Variants in SLC14A2 observed in about 807,000 individuals in gnomAD.
The protein encoded by SLC14A2 is solute carrier family 14 member 2.
SLC14A2 carries 91 observed loss-of-function variants against 104.6 expected under a neutral mutation model. The ratio of observed to expected loss-of-function variants is 0.87; its 90% CI spans 0.73 to 1.04. SLC14A2 has a LOEUF of 1.04. Among genes scored for constraint, SLC14A2 ranks in the 50% least tolerant of loss-of-function variants. SLC14A2 has a pLI of 0.00. For missense variants in SLC14A2, 1,189 were observed against 1,156.0 expected, an observed-to-expected ratio of 1.03 and a Z score of -0.41; for synonymous variants, 476 against 466.4, an observed-to-expected ratio of 1.02 and a Z score of -0.27.
At chr18:45,316,224 T>C (rs557327237) in intron 1 of SLC14A2, among the ~76,000 whole-genome samples, 1 of 152,322 alleles carries the variant, frequency 6.6e-6, no homozygotes, top group East Asian at 1.9e-4. Flanking sequence ...AGCAGGCTAA[T>C]GTGGGCTCTG....
rs143435857 is a variant in SLC14A2, at chr18:45,372,733, T to G, written c.-124-110500T>G. Reference sequence around the variant, plus strand: ...GACTGCACCTAAGGTAGCCAGGATCTAAACCATCACTATCTAATAGGAATA... The same window carrying G: ...GACTGCACCTAAGGTAGCCAGGATCGAAACCATCACTATCTAATAGGAATA... On this transcript the variant is annotated intron_variant, in intron 1 of 20. Coordinates refer to the SLC14A2 transcript ENST00000586448. Among the ~76,000 whole-genome samples the G allele has an allele frequency of 5.5e-3, 840 of 152,312 alleles. 7 individuals are homozygous for G. The highest frequency in any genetic ancestry group is 0.019 in the African/African-American group (794 of 41,558).
At chr18:45,477,576 C>A (rs1302080167) in intron 1 of SLC14A2, among the ~76,000 whole-genome samples, 1 of 152,168 alleles carries the variant, frequency 6.6e-6, no homozygotes, top group Admixed American at 6.5e-5. Flanking sequence ...ACTGAAGCTG[C>A]ACCCACAGCC....
chr18:45,623,719 G>T (rs2045213971), intron 1 of SLC14A2, among the ~76,000 whole-genome samples: 1 of 152,164 alleles, frequency 6.6e-6, no homozygotes, highest in Non-Finnish European at 1.5e-5. Context: ...CCATGTTAGG[G>T]ATCTGTGATC....
rs2084233047 is a variant in SLC14A2, at chr18:45,236,017, GTGTATATATACATATATGTGTGTA to G, written c.-125+22828_-125+22851del. 1.0e-4 allele frequency among the ~76,000 whole-genome samples: 5 copies of G among 48,410 alleles called. 1 individual carries two copies. Among genetic ancestry groups the G allele is most frequent in the African/African-American group, 7.6e-4 (5 of 6,568 alleles). 31.8% of individuals were successfully genotyped at this position (48,410 alleles called of 152,430 possible). A position where few individuals can be genotyped will look rare whatever the true frequency, so the allele number is the denominator to read the frequency against. On this transcript the variant is annotated intron_variant, in intron 1 of 20. Transcript: ENST00000586448. ...TATATACATATATGTGTGTATATAT[GTGTATATATACATATATGTGTGTA>G]TATATGTGTATATATACATATATGT...
In SLC14A2 at chr18:45,514,035, G is replaced by T. The variant is rs181236077; in HGVS notation, c.-35+30713G>T. On this transcript the variant is annotated intron_variant, in intron 2 of 20. Coordinates refer to the SLC14A2 transcript ENST00000586448. ...GTTTCATCTCTGGAACTAAAAAGTT[G>T]GTCCTAATCAAACTAATAGAATCAG... Among the ~76,000 whole-genome samples, 109 of 152,202 alleles carry T rather than the reference G, an allele frequency of 7.2e-4. 1 individual carries two copies. The highest frequency in any genetic ancestry group is 2.3e-3 in the South Asian group (11 of 4,822).
chr18:45,562,449 G>A (rs2044213594), intron 2 of SLC14A2, among the ~76,000 whole-genome samples: 1 of 152,200 alleles, frequency 6.6e-6, no homozygotes, highest in Non-Finnish European at 1.5e-5. Flanking sequence ...TCAGTAGTAA[G>A]TGTTCAATGA....
the SLC14A2 span, among the ~76,000 whole-genome samples, chr18:45,187,762 T>TAG: frequency 1.3e-5 from 2 of 151,268 alleles, no homozygotes; most frequent in African/African-American, 4.8e-5. Context: ...CTGCTTCTGG[T>TAG]AAAAAAATAA....
chr18:45,213,611 G>A (rs2083981067), intron 1 of SLC14A2, among the ~76,000 whole-genome samples: 4 of 152,142 alleles, frequency 2.6e-5, no homozygotes, highest in Admixed American at 2.0e-4. Context: ...CATTCAAAAC[G>A]TTAAAGGTGA....
At chr18:45,292,079 T>G (rs2084875503) in intron 1 of SLC14A2, among the ~76,000 whole-genome samples, 1 of 152,196 alleles carries the variant, frequency 6.6e-6, no homozygotes, top group Non-Finnish European at 1.5e-5. Context: ...TTCCTCCATA[T>G]AATGGCACCA....
intron 1 of SLC14A2, among the ~76,000 whole-genome samples, chr18:45,400,720 C>T (rs2086086604): frequency 6.6e-6 from 1 of 152,196 alleles, no homozygotes; most frequent in East Asian, 1.9e-4. Flanking sequence ...ATTCCTTCTA[C>T]AGTTATTGTC....
chr18:45,192,632 G>T, the SLC14A2 span, among the ~76,000 whole-genome samples: 4 of 107,806 alleles, frequency 3.7e-5, no homozygotes, highest in Non-Finnish European at 6.1e-5. Flanking sequence ...GTGTGTGTGT[G>T]TGTGGTTTTT....
At chr18:45,485,205 C>A (rs956386634) in intron 2 of SLC14A2, 1 of 152,086 alleles carries the variant, frequency 6.6e-6, no homozygotes, top group African/African-American at 2.4e-5. Context: ...ACATGATAGC[C>A]CAGTCAAACT....
chr18:45,257,316 C>A (rs763760105), intron 1 of SLC14A2, among the ~76,000 whole-genome samples: 1 of 152,184 alleles, frequency 6.6e-6, no homozygotes, highest in African/African-American at 2.4e-5. Flanking sequence ...TAAATTCACA[C>A]GTAATAGACT....
chr18:45,672,119 C>T (rs966340388), intron 16 of SLC14A2, among the ~76,000 whole-genome samples: 3 of 152,166 alleles, frequency 2.0e-5, no homozygotes, highest in East Asian at 1.9e-4. Context: ...AGATACTAGT[C>T]GAGTTCCTCC....
At chr18:45,675,785 C>T (rs545220914) in intron 18 of SLC14A2, among the ~76,000 whole-genome samples, 4 of 146,116 alleles carry the variant, frequency 2.7e-5, no homozygotes, top group Admixed American at 7.0e-5. Context: ...AAGTGATCTG[C>T]CCACTCAGCC....
At chr18:45,400,814 C>T (rs12967975) in intron 1 of SLC14A2, among the ~76,000 whole-genome samples, 7,123 of 152,198 alleles carry the variant, frequency 0.047, 219 homozygotes, top group Middle Eastern at 0.092. Context: ...TCATGGATTT[C>T]CCTTTTATTC....
At chr18:45,232,350 A>G (rs892973244) in intron 1 of SLC14A2, among the ~76,000 whole-genome samples, 1 of 152,208 alleles carries the variant, frequency 6.6e-6, no homozygotes, top group Non-Finnish European at 1.5e-5. Context: ...AGAACTCACT[A>G]TCATGAGAAC....
At chr18:45,324,926 T>C (rs2085219836) in intron 1 of SLC14A2, among the ~76,000 whole-genome samples, 1 of 152,094 alleles carries the variant, frequency 6.6e-6, no homozygotes, top group Admixed American at 6.5e-5. Flanking sequence ...CCTGGGGGAA[T>C]TGTTGGCGGG....
chr18:45,641,526 T>C (rs1238440687), intron 8 of SLC14A2, among the ~76,000 whole-genome samples, 183 bp downstream of exon 8: 1 of 152,216 alleles, frequency 6.6e-6, no homozygotes, highest in East Asian at 1.9e-4. Context: ...TTCTGTCAAA[T>C]GGGATCACAA....
Sources: allele counts gnomAD v4.1 joint callset (sites outside exome capture counted in the v4.1 genomes callset), GRCh38; gene constraint gnomAD v4.1.1; transcripts MANE v1.5; gene names NCBI Gene and HGNC (gene_info 2026-07-23, HGNC 2026-07-21).